CACNA1C: variants seen among roughly 807,000 people sequenced by gnomAD.
CACNA1C encodes the protein calcium voltage-gated channel subunit alpha1 C, also known as voltage-dependent L-type calcium channel subunit alpha-1C.
A neutral mutation model predicts 229.0 loss-of-function variants in CACNA1C; 30 were observed. The observed-to-expected ratio is 0.13, with a 90% CI of 0.10 to 0.18. CACNA1C has a LOEUF of 0.18. Among genes scored for constraint, CACNA1C ranks in the 10% least tolerant of loss-of-function variants. CACNA1C has a pLI of 1.00. For missense variants in CACNA1C, 1,658 were observed against 2,845.0 expected (o/e 0.58, Z 9.49); for synonymous variants, 1,114 against 1,132.5 (o/e 0.98, Z 0.33).
intron 5 of CACNA1C, among the ~76,000 whole-genome samples, chr12:2,481,098 A>G (rs866754472): frequency 2.0e-5 from 3 of 152,244 alleles, no homozygotes; most frequent in African/African-American, 4.8e-5. Context: ...TCCTCTGCTC[A>G]TAAAGGCATT....
intron 9 of CACNA1C, chr12:2,547,522 A>G (rs764486792): frequency 6.4e-6 from 5 of 779,722 alleles, no homozygotes; most frequent in South Asian, 1.3e-5. Context: ...ACAGAAACCC[A>G]TGGTAATGTT....
chr12:2,641,196 C>G (rs1049386016), intron 30 of CACNA1C, among the ~76,000 whole-genome samples: 4 of 152,238 alleles, frequency 2.6e-5, no homozygotes, highest in Non-Finnish European at 4.4e-5. Flanking sequence ...AGCCCAAACC[C>G]TTATTTGTTT....
At chr12:2,357,970 C>CAA (rs34774514) in intron 3 of CACNA1C, among the ~76,000 whole-genome samples, 8 of 106,298 alleles carry the variant, frequency 7.5e-5, no homozygotes, top group African/African-American at 1.8e-4. Context: ...AACTCAGTCT[C>CAA]AAAAAAAAAA....
At chr12:2,289,174 AGG>A (rs944205064) in intron 3 of CACNA1C, among the ~76,000 whole-genome samples, 4 of 149,334 alleles carry the variant, frequency 2.7e-5, no homozygotes, top group African/African-American at 1.0e-4. Flanking sequence ...CTGCAGTGTC[AGG>A]GGGTGCAGAC....
rs891499581 is a variant in CACNA1C at position 2,479,097 on chromosome 12, A to C, written c.758-7007A>C. ...TGATCTACATTTTCTTAGAATCTGC[A>C]TCGCAAATCCAAGGATAGTGAGGTT... On this transcript the variant is annotated intron_variant, in intron 5 of 46. Coordinates refer to ENST00000399655, the MANE Select transcript of CACNA1C (RefSeq NM_000719.7). This position sits in a 1 kb window ranked among gnomAD's most constrained non-coding sequence, Gnocchi z 4.3. Among the ~76,000 whole-genome samples the C allele has an allele frequency of 6.6e-6, 1 of 152,046 alleles. No homozygotes were observed. Among genetic ancestry groups the C allele is most frequent in the Non-Finnish European group, 1.5e-5 (1 of 68,016 alleles).
chr12:2,563,841 G>A (rs2048803320), intron 11 of CACNA1C, among the ~76,000 whole-genome samples: 1 of 152,266 alleles, frequency 6.6e-6, no homozygotes, highest in Non-Finnish European at 1.5e-5. Context: ...AGTGCACACA[G>A]CACGGAGCTG....
chr12:2,201,150 T>TA (rs747403809), intron 3 of CACNA1C, among the ~76,000 whole-genome samples: 2 of 152,146 alleles, frequency 1.3e-5, no homozygotes, highest in Non-Finnish European at 2.9e-5. Flanking sequence ...TTGGGAGTCT[T>TA]ACAGCTTTGT....
intron 3 of CACNA1C, among the ~76,000 whole-genome samples, chr12:2,268,485 A>G (rs1288953095): frequency 6.6e-6 from 1 of 152,190 alleles, no homozygotes; most frequent in Non-Finnish European, 1.5e-5. Flanking sequence ...GGAAGTTTTG[A>G]AAAGCAAATG....
At chr12:2,655,843 C>T (rs1395009097) in intron 34 of CACNA1C, among the ~76,000 whole-genome samples, 1 of 152,048 alleles carries the variant, frequency 6.6e-6, no homozygotes, top group Non-Finnish European at 1.5e-5. Flanking sequence ...GAAAAAAGAC[C>T]CACATGATCA....
At chr12:2,059,127 G>A (rs566712460) in intron 1 of CACNA1C, among the ~76,000 whole-genome samples, 4 of 152,312 alleles carry the variant, frequency 2.6e-5, no homozygotes, top group Non-Finnish European at 4.4e-5. Flanking sequence ...CTAGCTGTGT[G>A]TACCGTGTGG....
intron 5 of CACNA1C, among the ~76,000 whole-genome samples, chr12:2,471,156 T>C (rs1365713362): frequency 1.3e-5 from 2 of 152,212 alleles, no homozygotes; most frequent in African/African-American, 4.8e-5. Context: ...AAAATAACTT[T>C]ATTGAAGCGT....
chr12:2,192,565 G>A (rs1566279639), intron 3 of CACNA1C, among the ~76,000 whole-genome samples: 2 of 152,260 alleles, frequency 1.3e-5, no homozygotes, highest in Admixed American at 6.5e-5. Context: ...TAATTGTGTC[G>A]GTTTTAAGTA....
intron 9 of CACNA1C, among the ~76,000 whole-genome samples, chr12:2,535,222 T>C (rs936980402): frequency 1.3e-5 from 2 of 151,746 alleles, no homozygotes; most frequent in African/African-American, 4.9e-5. Flanking sequence ...ACCCCATCCC[T>C]ACTAAAAATA....
At chr12:2,463,647 G>A (rs548662610) in intron 5 of CACNA1C, among the ~76,000 whole-genome samples, 8 of 152,106 alleles carry the variant, frequency 5.3e-5, no homozygotes, top group African/African-American at 1.9e-4. Flanking sequence ...GTGAGGAGAG[G>A]CATTCCAGGA....
At chr12:2,227,115 C>T (rs1259693090) in intron 3 of CACNA1C, among the ~76,000 whole-genome samples, 4 of 152,218 alleles carry the variant, frequency 2.6e-5, no homozygotes, top group African/African-American at 4.8e-5. Context: ...CCTGCCCTCC[C>T]CTTTTTAGCT....
chr12:2,176,664 T>C (rs1272432394), intron 3 of CACNA1C, among the ~76,000 whole-genome samples: 1 of 152,114 alleles, frequency 6.6e-6, no homozygotes, highest in Admixed American at 6.5e-5. Context: ...ATCCCGTCCT[T>C]TAAAATTCCT....
chr12:2,506,717 C>T (rs1379218037), intron 8 of CACNA1C, among the ~76,000 whole-genome samples: 1 of 152,148 alleles, frequency 6.6e-6, no homozygotes, highest in African/African-American at 2.4e-5. Context: ...AGAACCAGAG[C>T]CAGCCCTCAA....
At chr12:2,626,291 T>C (rs1477394145) in intron 29 of CACNA1C, among the ~76,000 whole-genome samples, 3 of 152,200 alleles carry the variant, frequency 2.0e-5, no homozygotes, top group Admixed American at 1.3e-4. Context: ...AGTGACAGGA[T>C]GGGCTGTGGG....
intron 1 of CACNA1C, among the ~76,000 whole-genome samples, chr12:2,094,364 A>G (rs1277030213): frequency 6.6e-6 from 1 of 152,188 alleles, no homozygotes; most frequent in Non-Finnish European, 1.5e-5. Flanking sequence ...GAGCACCCCC[A>G]GTAAGTGGCT....
Sources: allele counts gnomAD v4.1 joint callset (sites outside exome capture counted in the v4.1 genomes callset), GRCh38; gene constraint gnomAD v4.1.1; non-coding constraint Gnocchi (gnomAD v3.1); transcripts MANE v1.5; gene names NCBI Gene and HGNC (gene_info 2026-07-23, HGNC 2026-07-21).